Variants in CD99 observed in about 807,000 individuals in gnomAD.
CD99 encodes the protein CD99 molecule (Xg blood group).
A neutral mutation model predicts 28.4 loss-of-function variants in CD99; 19 were observed. That is an observed-to-expected ratio of 0.67 (90% confidence interval 0.47 to 0.98). The LOEUF (loss-of-function observed/expected upper bound fraction) is 0.98. Among genes scored for constraint, CD99 ranks in the 50% least tolerant of loss-of-function variants. The pLI is 0.00. For synonymous variants in CD99, 103 were observed against 92.1 expected, an observed-to-expected ratio of 1.12 and a Z score of -0.67; for missense variants, 283 against 248.8, an observed-to-expected ratio of 1.14 and a Z score of -0.92.
intron 1 of CD99, among the ~76,000 whole-genome samples, chrX:2,701,511 C>T (rs1201841207): frequency 6.6e-6 from 1 of 152,204 alleles, no homozygotes; most frequent in African/African-American, 2.4e-5. Context: ...AGAGAGTTCT[C>T]CCAGGAGGGG....
intron 1 of CD99, among the ~76,000 whole-genome samples, chrX:2,692,937 A>G (rs1443640850): frequency 6.6e-6 from 1 of 152,182 alleles, no homozygotes; most frequent in Non-Finnish European, 1.5e-5. Context: ...AGACAGGGCC[A>G]CAGGGACCTT....
chrX:2,694,907 A>T (rs747574144), intron 1 of CD99, among the ~76,000 whole-genome samples: 1 of 152,236 alleles, frequency 6.6e-6, no homozygotes, highest in South Asian at 2.1e-4. Context: ...TGAAGGTCCT[A>T]TGGTGGGTAC....
chrX:2,729,184 C>T (rs1281122368), intron 8 of CD99, among the ~76,000 whole-genome samples: 1 of 152,128 alleles, frequency 6.6e-6, no homozygotes, highest in Non-Finnish European at 1.5e-5. Context: ...CATTAAACTA[C>T]AAAGTCTCTG....
rs369881414 is a variant in CD99 at position 2,712,546 on chromosome X, A to C, written c.68-1876A>C. Reference sequence around the variant, plus strand: ...TTATGGTTTATTCTGGATCAGTAGGATCCTCCCTTGCTACCGTCTAAAGAT... The same window carrying C: ...TTATGGTTTATTCTGGATCAGTAGGCTCCTCCCTTGCTACCGTCTAAAGAT... On this transcript the variant is annotated intron_variant, in intron 1 of 9. Transcript: ENST00000381192. Among the ~76,000 whole-genome samples, 44 of 152,204 alleles carry C rather than the reference A, an allele frequency of 2.9e-4. No individual in the cohort carries two copies. In the South Asian group the frequency reaches 5.0e-3, roughly 17 times the overall value.
intron 8 of CD99, chrX:2,727,371 A>G (rs751044517): frequency 6.4e-6 from 5 of 777,002 alleles, no homozygotes; most frequent in African/African-American, 1.7e-5. Context: ...TTTGGAACAC[A>G]GCTAACGTGC....
chrX:2,719,410 C>T, intron 3 of CD99: 1 of 516,082 alleles, frequency 1.9e-6, no homozygotes, highest in Non-Finnish European at 3.5e-6. Context: ...CCCACTGCCT[C>T]TCCTCTGAGA....
At position 2,691,366 on chromosome X, in the gene CD99, C is replaced by T. The variant is rs1220408708; in HGVS notation, c.6C>T (p.Ala2=). ...CTGCGCGCTCTGGGCGCACCATGGC[C>T]CGCGGGGCTGCGCTGGCGCTGCTGC... M[A]RGAALALLLF... is the part of the protein sequence containing the mutation. Residue 2 remains alanine, a synonymous_variant, in exon 1 of 10, where the codon GCC becomes GCT. Coordinates refer to ENST00000381192, the MANE Select transcript of CD99 (RefSeq NM_002414.5). 3 of 1,572,274 alleles carry T rather than the reference C, an allele frequency of 1.9e-6. No individual in the cohort carries two copies. The highest frequency in any genetic ancestry group is 1.7e-5 in the Admixed American group (1 of 57,228).
chrX:2,714,390 G>C (rs768879051), intron 1 of CD99, 32 bp from the exon 2 acceptor site: 4 of 1,507,660 alleles, frequency 2.7e-6, no homozygotes, highest in African/African-American at 1.4e-5. Context: ...TATTTTTCTT[G>C]TTTCTAAGTT....
intron 1 of CD99, among the ~76,000 whole-genome samples, chrX:2,695,643 T>TTA (rs2047538827): frequency 6.6e-6 from 1 of 151,470 alleles, no homozygotes. Context: ...AAGTCTTTTT[T>TTA]TTTTTTTTGA....
intron 9 of CD99, among the ~76,000 whole-genome samples, chrX:2,738,997 A>G (rs1244109253): frequency 6.6e-6 from 1 of 151,538 alleles, no homozygotes; most frequent in African/African-American, 2.4e-5. Flanking sequence ...ACAGGCGTGC[A>G]CCACCGTGTC....
At chrX:2,724,246 A>C (rs941006641) in intron 7 of CD99, among the ~76,000 whole-genome samples, 1 of 152,120 alleles carries the variant, frequency 6.6e-6, no homozygotes, top group African/African-American at 2.4e-5. Flanking sequence ...AATGTCTACT[A>C]TGTCACTTCA....
intron 1 of CD99, among the ~76,000 whole-genome samples, chrX:2,705,800 C>T (rs2048085263): frequency 6.6e-6 from 1 of 152,070 alleles, no homozygotes; most frequent in Non-Finnish European, 1.5e-5. Context: ...CAGAGCGATT[C>T]GGTTTTATAG....
intron 7 of CD99, among the ~76,000 whole-genome samples, chrX:2,725,571 G>A (rs2049234362): frequency 6.6e-6 from 1 of 152,116 alleles, no homozygotes; most frequent in Admixed American, 6.6e-5. Context: ...GCCCCTGCCT[G>A]GGCTCCTTCC....
At chrX:2,703,602 TTAAGTGTGTGTGTG>T (rs1347755591) in intron 1 of CD99, among the ~76,000 whole-genome samples, 1 of 129,126 alleles carries the variant, frequency 7.7e-6, no homozygotes, top group Admixed American at 7.8e-5. Flanking sequence ...AACCGAGCTG[TTAAGTGTGTGTGTG>T]TGTGTGTGTG....
chrX:2,739,072 A>G (rs1650077872), intron 9 of CD99, among the ~76,000 whole-genome samples: 1 of 151,924 alleles, frequency 6.6e-6, no homozygotes, highest in Admixed American at 6.6e-5. Context: ...TTGCCCAGAC[A>G]GGGTCTCACT....
intron 1 of CD99, among the ~76,000 whole-genome samples, chrX:2,706,107 C>T (rs1228930292): frequency 1.3e-5 from 2 of 151,358 alleles, no homozygotes; most frequent in Non-Finnish European, 2.9e-5. Context: ...CGCCTGTCAT[C>T]CCAGCACTTT....
chrX:2,735,760 C>T (rs1365765387), intron 8 of CD99, among the ~76,000 whole-genome samples: 1 of 152,086 alleles, frequency 6.6e-6, no homozygotes, highest in Non-Finnish European at 1.5e-5. Flanking sequence ...TTCGAATGTT[C>T]TTCTCTTCAG....
chrX:2,723,640 G>A (rs1204220513), intron 7 of CD99, among the ~76,000 whole-genome samples: 1 of 152,130 alleles, frequency 6.6e-6, no homozygotes, highest in South Asian at 2.1e-4. Flanking sequence ...ATCACGCTTC[G>A]CCTTGTCCTT....
At chrX:2,737,402 T>G (rs1239913324) in intron 8 of CD99, among the ~76,000 whole-genome samples, 1 of 78,546 alleles carries the variant, frequency 1.3e-5, no homozygotes, top group Admixed American at 1.5e-4. Flanking sequence ...GGGCTCGATC[T>G]CTTGACCTCG....
Sources: gnomAD v4.1 joint callset for allele counts (sites outside exome capture counted in the v4.1 genomes callset) on GRCh38, gnomAD v4.1.1 for gene constraint, MANE v1.5 for transcripts, NCBI Gene and HGNC (gene_info 2026-07-23, HGNC 2026-07-21) for gene names.